The following CADM2 variants were observed in gnomAD, a reference collection of about 807,000 sequenced individuals.
The protein encoded by CADM2 is cell adhesion molecule 2.
Under a neutral mutation model 49.8 loss-of-function variants are expected in CADM2, and 12 were observed. The ratio of observed to expected loss-of-function variants is 0.24; its 90% confidence interval spans 0.15 to 0.39. CADM2 has a LOEUF of 0.39. CADM2 is among the 10% of genes least tolerant of loss of function. CADM2 has a pLI of 1.00. For synonymous variants in CADM2, 214 were observed against 175.4 expected (o/e 1.22, Z -1.74); for missense variants, 378 against 492.3 (o/e 0.77, Z 2.20).
chr3:85,792,890 C>T (rs1385202019), intron 2 of CADM2, among the ~76,000 whole-genome samples: 1 of 152,078 alleles, frequency 6.6e-6, no homozygotes, highest in Non-Finnish European at 1.5e-5. Context: ...CATAGCCTAT[C>T]ACAGAGGTAA....
intron 3 of CADM2, among the ~76,000 whole-genome samples, chr3:85,859,950 A>AT (rs1268300762): frequency 4.6e-5 from 7 of 151,956 alleles, no homozygotes; most frequent in South Asian, 2.1e-4. Flanking sequence ...TTGAAGTGAG[A>AT]TTTTTTCCCA....
intron 1 of CADM2, among the ~76,000 whole-genome samples, chr3:85,697,667 A>T (rs978517014): frequency 6.6e-6 from 1 of 152,226 alleles, no homozygotes; most frequent in African/African-American, 2.4e-5. Context: ...CTCTAATGGC[A>T]TAAAAGACAG....
intron 1 of CADM2, among the ~76,000 whole-genome samples, chr3:85,511,013 T>C (rs2040590513): frequency 6.6e-6 from 1 of 152,124 alleles, no homozygotes; most frequent in Non-Finnish European, 1.5e-5. Flanking sequence ...TATTGGAATT[T>C]TAAATGTAAT....
chr3:85,921,576 C>A (rs1471775288), intron 6 of CADM2, among the ~76,000 whole-genome samples: 1 of 152,054 alleles, frequency 6.6e-6, no homozygotes, highest in Non-Finnish European at 1.5e-5. Flanking sequence ...TCTCCTCACT[C>A]CCCTTATAGT....
rs75851569 is a variant in CADM2 at position 85,950,309 on chromosome 3, G to A, written c.792-11160G>A. Among the ~76,000 whole-genome samples the A allele has an allele frequency of 8.3e-3, 1,249 of 151,280 alleles. 43 individuals carry two copies. The South Asian group carries it at 0.091, about 11-fold the overall frequency. ...CATGGGTAATTGTTTTGCTTCAGCA[G>A]AAAGTCCTTAAGAGATTAGCTTAGG... On this transcript the variant is annotated intron_variant, in intron 7 of 9. Transcript: ENST00000383699.
intron 8 of CADM2, among the ~76,000 whole-genome samples, chr3:86,058,444 T>C (rs1030336229): frequency 6.6e-6 from 1 of 152,082 alleles, no homozygotes; most frequent in African/African-American, 2.4e-5. Flanking sequence ...TGCTGGGAAA[T>C]AAGTATTCAC....
chr3:85,594,734 A>G (rs2063196792), intron 1 of CADM2, among the ~76,000 whole-genome samples: 1 of 152,012 alleles, frequency 6.6e-6, no homozygotes, highest in African/African-American at 2.4e-5. Context: ...TTTTGTTTTC[A>G]TAAGTCTACT....
At chr3:85,979,587 T>G (rs1727226927) in intron 8 of CADM2, among the ~76,000 whole-genome samples, 1 of 151,634 alleles carries the variant, frequency 6.6e-6, no homozygotes, top group African/African-American at 2.4e-5. Context: ...TTTGCCTGTC[T>G]TGAGAGGTAA....
chr3:85,282,378 TAGCCTCCCGAG>T (rs922566463), intron 1 of CADM2, among the ~76,000 whole-genome samples: 1 of 148,962 alleles, frequency 6.7e-6, no homozygotes, highest in Non-Finnish European at 1.5e-5. Flanking sequence ...TCTCCTGTCA[TAGCCTCCCGAG>T]TAGCTGGGAC....
chr3:86,032,797 T>C (rs1470942985), intron 8 of CADM2, among the ~76,000 whole-genome samples: 1 of 151,994 alleles, frequency 6.6e-6, no homozygotes, highest in Non-Finnish European at 1.5e-5. Context: ...TTTGGTAAAC[T>C]ATTTGCATAG....
intron 1 of CADM2, among the ~76,000 whole-genome samples, chr3:85,549,552 A>C (rs866080821): frequency 5.3e-5 from 8 of 152,202 alleles, no homozygotes; most frequent in African/African-American, 1.9e-4. Flanking sequence ...ATAATTGGTG[A>C]AAGAGGAAAC....
intron 1 of CADM2, among the ~76,000 whole-genome samples, chr3:85,394,724 C>T (rs955391760): frequency 3.9e-5 from 6 of 152,116 alleles, no homozygotes; most frequent in Admixed American, 2.0e-4. Context: ...TTTATCAGAT[C>T]ATTCTTTATA....
At chr3:85,442,940 T>C (rs1344051288) in intron 1 of CADM2, among the ~76,000 whole-genome samples, 1 of 151,882 alleles carries the variant, frequency 6.6e-6, no homozygotes, top group Non-Finnish European at 1.5e-5. Flanking sequence ...AATTTCCTGA[T>C]ATATTTAATA....
chr3:85,770,111 T>C (rs185334295), intron 2 of CADM2, among the ~76,000 whole-genome samples: 1 of 152,106 alleles, frequency 6.6e-6, no homozygotes. Context: ...AACTGTGCTA[T>C]GGTGGCAGTT....
intron 1 of CADM2, among the ~76,000 whole-genome samples, chr3:85,379,983 C>G (rs2053105): frequency 0.87 from 131,558 of 152,030 alleles, 57,059 homozygotes; most frequent in East Asian, 0.95. Context: ...TTTTCAATGA[C>G]TTTGACAAAG....
At chr3:85,919,181 A>G (rs968430504) in intron 6 of CADM2, among the ~76,000 whole-genome samples, 3 of 152,082 alleles carry the variant, frequency 2.0e-5, no homozygotes, top group African/African-American at 7.2e-5. Flanking sequence ...TATATAATTC[A>G]TCTCATCATG....
At chr3:85,100,577 T>C (rs1425361747) in intron 1 of CADM2, among the ~76,000 whole-genome samples, 1 of 152,180 alleles carries the variant, frequency 6.6e-6, no homozygotes, top group South Asian at 2.1e-4. Flanking sequence ...AGTATTTCTA[T>C]AAGTATTATG....
At chr3:85,230,780 TG>T (rs2107811720) in intron 1 of CADM2, among the ~76,000 whole-genome samples, 1 of 152,292 alleles carries the variant, frequency 6.6e-6, no homozygotes, top group South Asian at 2.1e-4. Context: ...GTTGTTTTTT[TG>T]TGTGTTTGTT....
chr3:85,632,037 T>A (rs1463989718), intron 1 of CADM2, among the ~76,000 whole-genome samples: 1 of 152,122 alleles, frequency 6.6e-6, no homozygotes, highest in Non-Finnish European at 1.5e-5. Context: ...TGGCTTCTGA[T>A]GTAGTTTGGC....
Sources: allele counts gnomAD v4.1 joint callset (sites outside exome capture counted in the v4.1 genomes callset), GRCh38; gene constraint gnomAD v4.1.1; transcripts MANE v1.5; gene names NCBI Gene and HGNC (gene_info 2026-07-23, HGNC 2026-07-21).